The following MAGI2 variants were observed in gnomAD, a reference collection of about 807,000 sequenced individuals.
MAGI2 encodes membrane associated guanylate kinase, WW and PDZ domain containing 2, also known as membrane-associated guanylate kinase, WW and PDZ domain-containing protein 2.
A neutral mutation model predicts 133.3 loss-of-function variants in MAGI2; 35 were observed. The observed-to-expected ratio is 0.26, with a 90% CI of 0.20 to 0.35. MAGI2 has a LOEUF of 0.35. Among genes scored for constraint, MAGI2 ranks in the 10% least tolerant of loss-of-function variants. The probability of loss-of-function intolerance (pLI) is 1.00; values close to 1 mark genes in which losing one functional copy is unlikely to be tolerated. For missense variants in MAGI2, 1,636 were observed against 1,863.4 expected (o/e 0.88, Z 2.25); for synonymous variants, 729 against 710.6 (o/e 1.03, Z -0.41).
At chr7:78,105,137 T>A (rs1048226271) in intron 20 of MAGI2, among the ~76,000 whole-genome samples, 22 of 152,214 alleles carry the variant, frequency 1.4e-4, no homozygotes, top group Admixed American at 1.2e-3. Context: ...TTCCCTTGAT[T>A]TTTTTAGCTC....
chr7:78,350,737 G>A (rs931624652), intron 7 of MAGI2, among the ~76,000 whole-genome samples: 1 of 152,130 alleles, frequency 6.6e-6, no homozygotes, highest in African/African-American at 2.4e-5. Context: ...TCTTCATTGT[G>A]GAGAGGAAAG....
At chr7:78,834,887 T>C (rs149188119) in intron 2 of MAGI2, among the ~76,000 whole-genome samples, 86 of 152,260 alleles carry the variant, frequency 5.6e-4, no homozygotes, top group African/African-American at 1.8e-3. Flanking sequence ...CCCTTGCTCC[T>C]GCTTTCACCG....
chr7:78,701,515 T>C (rs1818071037), intron 2 of MAGI2, among the ~76,000 whole-genome samples: 1 of 151,992 alleles, frequency 6.6e-6, no homozygotes. Context: ...ACATAATTCA[T>C]GTTTGGAATC....
intron 10 of MAGI2, among the ~76,000 whole-genome samples, chr7:78,201,450 T>G (rs917542618): frequency 7.9e-5 from 12 of 152,340 alleles, no homozygotes; most frequent in African/African-American, 2.9e-4. Flanking sequence ...AGTGAACATG[T>G]ATCAAATCCT....
intron 2 of MAGI2, among the ~76,000 whole-genome samples, chr7:78,998,654 T>G (rs553362376): frequency 1.4e-4 from 22 of 152,332 alleles, no homozygotes; most frequent in African/African-American, 5.3e-4. Context: ...GCAGTGACTT[T>G]AATTAGTATT....
At chr7:78,533,374 A>G (rs1797625066) in intron 3 of MAGI2, among the ~76,000 whole-genome samples, 1 of 152,210 alleles carries the variant, frequency 6.6e-6, no homozygotes, top group Non-Finnish European at 1.5e-5. Context: ...AAGAAAAGTA[A>G]GGACAAGGAG....
chr7:78,138,241 T>C (rs1822366415), intron 16 of MAGI2, among the ~76,000 whole-genome samples: 1 of 152,204 alleles, frequency 6.6e-6, no homozygotes, highest in Admixed American at 6.5e-5. Context: ...AGCCAGGAAC[T>C]AAACACTTCA....
chr7:79,438,596 C>T (rs1431056825), intron 1 of MAGI2, among the ~76,000 whole-genome samples: 6 of 152,070 alleles, frequency 3.9e-5, no homozygotes, highest in Non-Finnish European at 7.4e-5. Context: ...ATGGCATCTT[C>T]ATCTCCTTCA....
intron 1 of MAGI2, among the ~76,000 whole-genome samples, chr7:79,321,947 T>C (rs1432354348): frequency 1.3e-5 from 2 of 152,184 alleles, no homozygotes; most frequent in African/African-American, 4.8e-5. Flanking sequence ...CTTACTCGAA[T>C]GCAAGTCCTT....
At chr7:79,026,977 T>C (rs1423370121) in intron 1 of MAGI2, among the ~76,000 whole-genome samples, 2 of 152,112 alleles carry the variant, frequency 1.3e-5, no homozygotes, top group African/African-American at 2.4e-5. Flanking sequence ...AATTCACTAA[T>C]TATTAGAGAA....
chr7:78,660,402 A>AACTC (rs10687591), intron 2 of MAGI2, among the ~76,000 whole-genome samples: 2 of 151,586 alleles, frequency 1.3e-5, no homozygotes, highest in African/African-American at 4.8e-5. Flanking sequence ...AACTTACTTG[A>AACTC]ACTATTTTAT....
At chr7:78,500,113 G>T (rs550701122) in intron 5 of MAGI2, among the ~76,000 whole-genome samples, 1 of 152,296 alleles carries the variant, frequency 6.6e-6, no homozygotes, top group African/African-American at 2.4e-5. Flanking sequence ...TCTCATCTAT[G>T]TTGGAGTCAA....
intron 1 of MAGI2, among the ~76,000 whole-genome samples, chr7:79,235,404 C>A (rs1356441923): frequency 6.6e-6 from 1 of 152,152 alleles, no homozygotes; most frequent in Non-Finnish European, 1.5e-5. Context: ...TCGCTGCCGC[C>A]TTGCAGTTTG....
At chr7:79,384,466 C>CTG (rs3050628) in intron 1 of MAGI2, among the ~76,000 whole-genome samples, 75,813 of 150,988 alleles carry the variant, frequency 0.5, 20,503 homozygotes, top group African/African-American at 0.71. Context: ...AGTCAAATAA[C>CTG]TTAGATCATT....
intron 1 of MAGI2, among the ~76,000 whole-genome samples, chr7:79,367,426 A>G (rs1408446494): frequency 1.3e-5 from 2 of 152,158 alleles, no homozygotes; most frequent in African/African-American, 2.4e-5. Flanking sequence ...GGAGGGTGGA[A>G]GGAACAGAGC....
chr7:79,060,039 T>G (rs1813556845), intron 1 of MAGI2, among the ~76,000 whole-genome samples: 1 of 152,082 alleles, frequency 6.6e-6, no homozygotes, highest in African/African-American at 2.4e-5. Flanking sequence ...CAGCAGAAGA[T>G]GGTAGTATCA....
intron 9 of MAGI2, among the ~76,000 whole-genome samples, chr7:78,281,631 A>G (rs1160519861): frequency 6.7e-6 from 1 of 150,342 alleles, no homozygotes; most frequent in Non-Finnish European, 1.5e-5. Flanking sequence ...ACTAATACAC[A>G]TACATACTCT....
In MAGI2 at chr7:78,814,622, G is replaced by T. The variant is rs533655309; in HGVS notation, c.419-187383C>A. Among the ~76,000 whole-genome samples, 9 of 152,276 alleles carry T rather than the reference G, an allele frequency of 5.9e-5. No individual in the cohort carries two copies. In the South Asian group the frequency reaches 1.9e-3, roughly 32 times the overall value. ...TATACAATTTTATGTCTTTGTGTGT[G>T]TGTGTGTGCACAAACCCTGGTGAAA... On this transcript the variant is annotated intron_variant, in intron 2 of 21. Coordinates refer to ENST00000354212, the MANE Select transcript of MAGI2 (RefSeq NM_012301.4).
chr7:78,062,723 G>T (rs879434719), intron 21 of MAGI2, among the ~76,000 whole-genome samples: 4 of 152,140 alleles, frequency 2.6e-5, no homozygotes, highest in Non-Finnish European at 5.9e-5. Context: ...CTCCCCAAAT[G>T]CTCCGGCTCC....
Sources: gnomAD v4.1 joint callset for allele counts (sites outside exome capture counted in the v4.1 genomes callset) on GRCh38, gnomAD v4.1.1 for gene constraint, MANE v1.5 for transcripts, NCBI Gene and HGNC (gene_info 2026-07-23, HGNC 2026-07-21) for gene names.